HOMER2: variants seen among roughly 807,000 people sequenced by gnomAD.
HOMER2 encodes homer protein homolog 2.
HOMER2 carries 27 observed loss-of-function variants against 47.0 expected under a neutral mutation model. The observed-to-expected ratio is 0.57, with a 90% confidence interval of 0.42 to 0.79. The LOEUF is 0.79. Among genes scored for constraint, HOMER2 ranks in the 30% least tolerant of loss-of-function variants. The pLI, the probability that HOMER2 is intolerant of heterozygous loss-of-function variation, is 0.00. For missense variants in HOMER2, 443 were observed against 435.0 expected, an observed-to-expected ratio of 1.02 and a Z score of -0.16; for synonymous variants, 161 against 163.8, an observed-to-expected ratio of 0.98 and a Z score of 0.13.
chr15:82,851,892 T>C (rs1730506656), intron 7 of HOMER2, among the ~76,000 whole-genome samples: 1 of 152,196 alleles, frequency 6.6e-6, no homozygotes, highest in Non-Finnish European at 1.5e-5. Context: ...CTGAGTGTCT[T>C]GTGAAATGTT....
At chr15:82,920,201 T>C (rs1349155304) in intron 1 of HOMER2, among the ~76,000 whole-genome samples, 2 of 152,218 alleles carry the variant, frequency 1.3e-5, no homozygotes, top group Admixed American at 1.3e-4. Flanking sequence ...ACCTCCTTCA[T>C]AGTCTTCGCC....
intron 1 of HOMER2, among the ~76,000 whole-genome samples, chr15:82,915,006 T>C (rs1036553423): frequency 6.6e-6 from 1 of 151,938 alleles, no homozygotes; most frequent in Non-Finnish European, 1.5e-5. Flanking sequence ...CAACATAATG[T>C]GACAAAAAAT....
chr15:82,876,302 A>G (rs1188533225), intron 2 of HOMER2, among the ~76,000 whole-genome samples: 1 of 152,230 alleles, frequency 6.6e-6, no homozygotes, highest in Non-Finnish European at 1.5e-5. Flanking sequence ...GAAGGGTAAG[A>G]AGATAATATC....
At chr15:82,944,056 A>T (rs558616879) in intron 1 of HOMER2, among the ~76,000 whole-genome samples, 5 of 152,212 alleles carry the variant, frequency 3.3e-5, no homozygotes, top group East Asian at 3.9e-4. Flanking sequence ...TTTTTTTTTT[A>T]AATCTCTCTA....
chr15:82,853,249 T>C (rs1173365005), intron 6 of HOMER2, among the ~76,000 whole-genome samples: 1 of 136,336 alleles, frequency 7.3e-6, no homozygotes, highest in Non-Finnish European at 1.6e-5. Flanking sequence ...TGCGTGATGC[T>C]CTTCCTCCAC....
chr15:82,868,541 A>ATATATATATATATATATTTTTT, intron 3 of HOMER2, among the ~76,000 whole-genome samples: 1 of 71,290 alleles, frequency 1.4e-5, no homozygotes, highest in Non-Finnish European at 2.8e-5. Context: ...ATATATATAT[A>ATATATATATATATATATTTTTT]TTTTTTTTTT....
rs549137271 is a variant in HOMER2, at chr15:82,934,868, T to C, written c.5+17663A>G. Reference sequence around the variant, plus strand: ...CCCACTCCCGGAAAACAATTTCACATCACCTTCTCCTCCAGCTTCCCACAC... The same window carrying C: ...CCCACTCCCGGAAAACAATTTCACACCACCTTCTCCTCCAGCTTCCCACAC... On this transcript the variant is annotated intron_variant, in intron 1 of 8. Transcript: ENST00000450735. Among the ~76,000 whole-genome samples the C allele has an allele frequency of 6.9e-4, 105 of 152,310 alleles. 1 individual carries two copies. The highest frequency in any genetic ancestry group is 2.4e-3 in the African/African-American group (98 of 41,566).
intron 1 of HOMER2, among the ~76,000 whole-genome samples, chr15:82,903,181 C>T (rs139064800): frequency 6.6e-6 from 1 of 152,150 alleles, no homozygotes; most frequent in Non-Finnish European, 1.5e-5. Context: ...ATCATCCAGG[C>T]ACCTGGAGAT....
chr15:82,860,949 TAGAAGATGAGAGA>T (rs1423895166), intron 4 of HOMER2, among the ~76,000 whole-genome samples: 3 of 71,100 alleles, frequency 4.2e-5, no homozygotes, highest in African/African-American at 1.9e-4. Context: ...AGATAGAAGA[TAGAAGATGAGAGA>T]GAGAGAGAGA....
intron 1 of HOMER2, among the ~76,000 whole-genome samples, chr15:82,951,725 C>T (rs1433296794): frequency 1.3e-5 from 2 of 152,220 alleles, no homozygotes; most frequent in Admixed American, 6.5e-5. Context: ...GGGAAGTCAC[C>T]GAACCACTTT....
At chr15:82,899,735 TTGTC>T (rs1223303773) in intron 1 of HOMER2, among the ~76,000 whole-genome samples, 1 of 152,116 alleles carries the variant, frequency 6.6e-6, no homozygotes, top group African/African-American at 2.4e-5. Flanking sequence ...ATATAACAGA[TTGTC>T]TGGCCAGGCA....
At chr15:82,870,224 G>GA (rs2052132094) in intron 3 of HOMER2, among the ~76,000 whole-genome samples, 1 of 152,140 alleles carries the variant, frequency 6.6e-6, no homozygotes, top group African/African-American at 2.4e-5. Context: ...TCTGGAGCAG[G>GA]AAATTTCCTA....
chr15:82,875,472 T>C, intron 2 of HOMER2, 68 bp from the exon 3 acceptor site: 1 of 1,546,704 alleles, frequency 6.5e-7, no homozygotes, highest in East Asian at 2.3e-5. Flanking sequence ...CCTTAGAAAG[T>C]CTTCTATTGG....
intron 1 of HOMER2, among the ~76,000 whole-genome samples, chr15:82,959,853 G>C (rs937816001): frequency 6.6e-6 from 1 of 152,192 alleles, no homozygotes; most frequent in African/African-American, 2.4e-5. Context: ...TGAGATTTAG[G>C]GTTCCGGAGA....
intron 1 of HOMER2, among the ~76,000 whole-genome samples, chr15:82,941,180 A>G (rs1322218598): frequency 6.6e-6 from 1 of 151,950 alleles, no homozygotes; most frequent in African/African-American, 2.4e-5. Context: ...ACAGTGGCTC[A>G]CACCTGTAAT....
At chr15:82,867,223 C>T (rs1041977507) in intron 3 of HOMER2, among the ~76,000 whole-genome samples, 1 of 151,928 alleles carries the variant, frequency 6.6e-6, no homozygotes, top group African/African-American at 2.4e-5. Context: ...AAAAAAAATT[C>T]TGGATGCAAA....
At chr15:82,878,685 T>C (rs113624573) in intron 2 of HOMER2, among the ~76,000 whole-genome samples, 7,119 of 152,276 alleles carry the variant, frequency 0.047, 533 homozygotes, top group African/African-American at 0.16. Context: ...TAGAGTGAAG[T>C]GGCACAAACA....
At chr15:82,843,646 T>TA in exon 2 of HOMER2, 1 of 151,878 alleles carries the variant, frequency 6.6e-6, no homozygotes, top group Non-Finnish European at 1.5e-5. Flanking sequence ...ATAAACCTCT[T>TA]AGAAATCAAT....
At chr15:82,848,112 C>G (rs765701294), downstream of HOMER2, among the ~76,000 whole-genome samples, 3 of 152,136 alleles carry the variant, frequency 2.0e-5, no homozygotes, top group Admixed American at 6.5e-5. Flanking sequence ...CCATCCACAT[C>G]CCAAACAAGA....
Sources: allele counts gnomAD v4.1 joint callset (sites outside exome capture counted in the v4.1 genomes callset), GRCh38; gene constraint gnomAD v4.1.1; transcripts MANE v1.5; gene names NCBI Gene and HGNC (gene_info 2026-07-23, HGNC 2026-07-21).